Variants in CTNNA1 observed in about 807,000 individuals in gnomAD.
The protein encoded by CTNNA1 is catenin alpha-1.
In CTNNA1, 37 loss-of-function variants were observed where a neutral mutation model predicts 98.4. The ratio of observed to expected loss-of-function variants is 0.38; its 90% confidence interval spans 0.29 to 0.49. The LOEUF is 0.49. Among genes scored for constraint, CTNNA1 ranks in the 20% least tolerant of loss-of-function variants. The probability of loss-of-function intolerance (pLI) is 0.95; values close to 1 mark genes in which losing one functional copy is unlikely to be tolerated. For missense variants in CTNNA1, 761 were observed against 1,147.2 expected, an observed-to-expected ratio of 0.66 and a Z score of 4.86; for synonymous variants, 404 against 413.2, an observed-to-expected ratio of 0.98 and a Z score of 0.27.
intron 11 of CTNNA1, among the ~76,000 whole-genome samples, chr5:138,924,282 GT>G (rs750282557): frequency 4.6e-4 from 65 of 141,366 alleles, no homozygotes; most frequent in South Asian, 2.7e-3. Context: ...TTTATTTTTT[GT>G]TTTTTTTTTT....
At chr5:138,810,341 T>A in intron 4 of CTNNA1, 137 bp downstream of exon 4, 6 of 859,956 alleles carry the variant, frequency 7.0e-6, no homozygotes, top group Non-Finnish European at 1.1e-5. Context: ...TGTTTTTGTT[T>A]AATTTCCACT....
intron 1 of CTNNA1, among the ~76,000 whole-genome samples, chr5:138,776,790 C>G (rs1754277682): frequency 6.7e-6 from 1 of 148,206 alleles, no homozygotes; most frequent in African/African-American, 2.5e-5. Flanking sequence ...GGCGGCTGGC[C>G]AGGCGGGGGG....
At chr5:138,863,685 A>C (rs1173270458) in intron 7 of CTNNA1, among the ~76,000 whole-genome samples, 2 of 152,268 alleles carry the variant, frequency 1.3e-5, no homozygotes, top group Non-Finnish European at 2.9e-5. Context: ...AGAAAAAGCC[A>C]GTACCCTGAG....
chr5:138,778,379 G>A (rs571309218), intron 1 of CTNNA1, among the ~76,000 whole-genome samples: 28 of 152,274 alleles, frequency 1.8e-4, no homozygotes, highest in Middle Eastern at 6.8e-3. Context: ...ACTAGTTGAG[G>A]TTATGTAATT....
Position 138,874,020 on chromosome 5 carries a change from G to T in CTNNA1, c.1063-12192G>T. 1.2e-6 allele frequency: 2 copies of T among 1,613,944 alleles called. No homozygotes were observed. Among genetic ancestry groups the T allele is most frequent in the Non-Finnish European group, 1.7e-6 (2 of 1,179,884 alleles). ...CTCAAATCCAGAAACTCCAGACTACGACAGTCCCAGAACAGGCGTACTGGG... is the reference window on the plus strand; with the variant it reads ...CTCAAATCCAGAAACTCCAGACTACTACAGTCCCAGAACAGGCGTACTGGG... On this transcript the variant is annotated intron_variant, in intron 7 of 17. Transcript: ENST00000302763. The surrounding 1 kb of genome is among the most constrained non-coding windows in gnomAD (Gnocchi z 4.1).
chr5:138,892,045 C>T (rs1044575212), intron 9 of CTNNA1, among the ~76,000 whole-genome samples: 17 of 152,164 alleles, frequency 1.1e-4, no homozygotes, highest in Non-Finnish European at 2.1e-4. Flanking sequence ...TTCCCTCCTT[C>T]GAGTTGTCCA....
chr5:138,839,235 CT>C (rs1762064293), intron 7 of CTNNA1, among the ~76,000 whole-genome samples: 1 of 148,210 alleles, frequency 6.7e-6, no homozygotes, highest in African/African-American at 2.5e-5. Context: ...TTTTTTTTTT[CT>C]TTTTTGAGAC....
chr5:138,816,151 T>C (rs1197671009), intron 5 of CTNNA1, among the ~76,000 whole-genome samples: 2 of 152,262 alleles, frequency 1.3e-5, no homozygotes, highest in Non-Finnish European at 2.9e-5. Flanking sequence ...TTTATCTTCC[T>C]GTGCCTGGCT....
chr5:138,850,787 C>T (rs1402628559), intron 7 of CTNNA1, among the ~76,000 whole-genome samples: 1 of 152,184 alleles, frequency 6.6e-6, no homozygotes, highest in Non-Finnish European at 1.5e-5. Flanking sequence ...CTGAGGCTCT[C>T]TGGTTTTAGA....
intron 7 of CTNNA1, among the ~76,000 whole-genome samples, chr5:138,857,568 C>T (rs1028041435): frequency 6.6e-6 from 1 of 152,166 alleles, no homozygotes; most frequent in African/African-American, 2.4e-5. Flanking sequence ...CCTCCCACCT[C>T]GGCCTCCCAA....
At chr5:138,846,203 C>G (rs146226651) in intron 7 of CTNNA1, among the ~76,000 whole-genome samples, 4 of 152,190 alleles carry the variant, frequency 2.6e-5, no homozygotes, top group Admixed American at 2.6e-4. Context: ...CCACCCTCCT[C>G]GGCCTCTCAA....
intron 1 of CTNNA1, among the ~76,000 whole-genome samples, chr5:138,775,710 A>AT (rs1754031426): frequency 1.9e-5 from 2 of 107,156 alleles, no homozygotes; most frequent in Admixed American, 9.9e-5. Flanking sequence ...ATCTGGAAAT[A>AT]TTTCTTTTTT....
At chr5:138,794,358 A>C (rs1050697182) in intron 3 of CTNNA1, among the ~76,000 whole-genome samples, 1 of 152,206 alleles carries the variant, frequency 6.6e-6, no homozygotes, top group Admixed American at 6.5e-5. Context: ...GATTTAAAAA[A>C]AAAACAAAAA....
At chr5:138,860,636 C>A (rs995875304) in intron 7 of CTNNA1, among the ~76,000 whole-genome samples, 1 of 152,186 alleles carries the variant, frequency 6.6e-6, no homozygotes, top group Non-Finnish European at 1.5e-5. Context: ...GCTGGGATTA[C>A]AGGCACGTGC....
intron 5 of CTNNA1, among the ~76,000 whole-genome samples, chr5:138,821,147 A>G (rs1185308452): frequency 6.6e-6 from 1 of 152,166 alleles, no homozygotes; most frequent in Non-Finnish European, 1.5e-5. Context: ...CTGGAATATT[A>G]TTTGCTGACT....
chr5:138,830,137 A>C (rs1347753233), intron 7 of CTNNA1, among the ~76,000 whole-genome samples: 2 of 151,392 alleles, frequency 1.3e-5, no homozygotes, highest in Non-Finnish European at 2.9e-5. Context: ...ACTGCACTCC[A>C]GCCTGGGGAA....
intron 7 of CTNNA1, among the ~76,000 whole-genome samples, chr5:138,877,066 T>G (rs1001930834): frequency 1.3e-5 from 2 of 152,204 alleles, no homozygotes; most frequent in African/African-American, 4.8e-5. Flanking sequence ...GTAGGCTGAA[T>G]GGAAATTCCC....
intron 7 of CTNNA1, among the ~76,000 whole-genome samples, chr5:138,842,224 C>T (rs527512348): frequency 6.6e-6 from 1 of 152,040 alleles, no homozygotes; most frequent in African/African-American, 2.4e-5. Flanking sequence ...AGCCTGAGCC[C>T]GGGAAGTTGA....
chr5:138,914,725 C>G (rs1055973582), intron 10 of CTNNA1, among the ~76,000 whole-genome samples: 1 of 152,058 alleles, frequency 6.6e-6, no homozygotes, highest in Admixed American at 6.6e-5. Context: ...GGGAATTACA[C>G]CCATGATCCA....
Sources: gnomAD v4.1 joint callset for allele counts (sites outside exome capture counted in the v4.1 genomes callset) on GRCh38, gnomAD v4.1.1 for gene constraint, Gnocchi (gnomAD v3.1) non-coding constraint, MANE v1.5 for transcripts, NCBI Gene and HGNC (gene_info 2026-07-23, HGNC 2026-07-21) for gene names.